Variants in SEMA3A observed in about 807,000 individuals in gnomAD.
The protein encoded by SEMA3A is semaphorin-3A.
In SEMA3A, 29 loss-of-function variants were observed where a neutral mutation model predicts 97.9. The observed-to-expected ratio is 0.30, with a 90% CI of 0.22 to 0.40. SEMA3A has a LOEUF of 0.40. Among genes scored for constraint, SEMA3A ranks in the 10% least tolerant of loss-of-function variants. The pLI is 1.00. For synonymous variants in SEMA3A, 321 were observed against 323.7 expected, an observed-to-expected ratio of 0.99 and a Z score of 0.09; for missense variants, 763 against 951.3, an observed-to-expected ratio of 0.80 and a Z score of 2.60.
rs1331971669 is a variant in SEMA3A at position 84,312,898 on chromosome 7, A to G, written c.-168-5606T>C. 1.8e-3 allele frequency among the ~76,000 whole-genome samples: 114 copies of G among 64,312 alleles called. 5 individuals carry two copies. The highest frequency in any genetic ancestry group is 5.5e-3 in the African/African-American group (109 of 19,936). The allele number at this position is 64,312 out of a possible 152,430, so 42.2% of individuals were successfully genotyped here. ...TATATATATATATATATATATATAT[A>G]TATATATATATATATATATATATAC... On this transcript the variant is annotated intron_variant, in intron 2 of 3. Coordinates refer to the SEMA3A transcript ENST00000424555.
chr7:84,357,341 T>C (rs916245148), intron 2 of SEMA3A, among the ~76,000 whole-genome samples: 2 of 137,082 alleles, frequency 1.5e-5, no homozygotes, highest in African/African-American at 5.4e-5. Context: ...TGTTTCCAAG[T>C]GTTCTCATTG....
intron 2 of SEMA3A, among the ~76,000 whole-genome samples, chr7:84,314,453 G>C (rs1801444508): frequency 6.6e-6 from 1 of 152,146 alleles, no homozygotes; most frequent in South Asian, 2.1e-4. Flanking sequence ...GAAGCTTTAA[G>C]ATCCAGCTCA....
chr7:84,225,691 G>A (rs1405142686), intron 3 of SEMA3A, among the ~76,000 whole-genome samples: 2 of 152,028 alleles, frequency 1.3e-5, no homozygotes, highest in South Asian at 4.1e-4. Context: ...GTCATCTCAC[G>A]GAGGCAACAC....
intron 1 of SEMA3A, among the ~76,000 whole-genome samples, chr7:84,384,913 C>T (rs769309312): frequency 6.6e-5 from 10 of 152,182 alleles, no homozygotes; most frequent in Non-Finnish European, 1.3e-4. Context: ...CTACTATCTA[C>T]ATGAGACAAT....
At chr7:84,466,074 T>C (rs1277552788) in intron 1 of SEMA3A, among the ~76,000 whole-genome samples, 2 of 152,154 alleles carry the variant, frequency 1.3e-5, no homozygotes, top group Non-Finnish European at 2.9e-5. Context: ...GCAAATCCAG[T>C]ATTTGCAACA....
At chr7:84,318,938 C>T (rs972108181) in intron 2 of SEMA3A, among the ~76,000 whole-genome samples, 1 of 152,170 alleles carries the variant, frequency 6.6e-6, no homozygotes, top group Non-Finnish European at 1.5e-5. Context: ...TAATATACTA[C>T]ATAGATGTTG....
intron 12 of SEMA3A, among the ~76,000 whole-genome samples, chr7:83,992,616 T>C (rs4475409): frequency 0.37 from 55,794 of 151,360 alleles, 11,196 homozygotes; most frequent in East Asian, 0.83. Flanking sequence ...AGTTTCCATG[T>C]AGTTGAGTGG....
intron 2 of SEMA3A, among the ~76,000 whole-genome samples, chr7:84,318,801 T>C (rs1373610203): frequency 6.6e-6 from 1 of 152,180 alleles, no homozygotes; most frequent in Non-Finnish European, 1.5e-5. Context: ...TTAGGTATCA[T>C]CTTGGGAATG....
intron 4 of SEMA3A, among the ~76,000 whole-genome samples, chr7:84,099,225 C>A (rs1190379474): frequency 1.9e-3 from 199 of 107,050 alleles, no homozygotes; most frequent in South Asian, 3.2e-3. Context: ...CGCCCGCTAC[C>A]ACGCCCGGCT....
chr7:84,160,828 C>G (rs1054786997), intron 1 of SEMA3A, among the ~76,000 whole-genome samples: 6 of 151,774 alleles, frequency 4.0e-5, no homozygotes, highest in African/African-American at 1.2e-4. Flanking sequence ...TGCAGTGAGC[C>G]GAGATCCCGC....
chr7:84,259,745 T>G (rs1361583640), intron 3 of SEMA3A, among the ~76,000 whole-genome samples: 1 of 148,044 alleles, frequency 6.8e-6, no homozygotes, highest in Non-Finnish European at 1.5e-5. Context: ...TAAAGCAAGC[T>G]GCAAGTGAAG....
intron 6 of SEMA3A, among the ~76,000 whole-genome samples, chr7:84,024,257 T>G (rs1366173106): frequency 6.6e-6 from 1 of 151,708 alleles, no homozygotes; most frequent in Admixed American, 6.6e-5. Flanking sequence ...AATAACAACT[T>G]GGCTGGGCGC....
chr7:84,343,197 C>T (rs1399267403), intron 2 of SEMA3A, among the ~76,000 whole-genome samples: 1 of 152,066 alleles, frequency 6.6e-6, no homozygotes, highest in Non-Finnish European at 1.5e-5. Context: ...ACAAACTTGA[C>T]CATCAGGTTA....
chr7:84,429,539 T>TAGAG (rs1390904289), intron 1 of SEMA3A, among the ~76,000 whole-genome samples: 7 of 119,734 alleles, frequency 5.8e-5, no homozygotes, highest in African/African-American at 2.2e-4. Context: ...TATATATATA[T>TAGAG]ATATATATAG....
chr7:84,080,361 G>A (rs10274042), intron 4 of SEMA3A, among the ~76,000 whole-genome samples: 1 of 150,910 alleles, frequency 6.6e-6, no homozygotes. Context: ...ATAATAACAA[G>A]AAAAAAAGAG....
chr7:84,350,601 A>G (rs1201546193), intron 2 of SEMA3A, among the ~76,000 whole-genome samples: 2 of 152,164 alleles, frequency 1.3e-5, no homozygotes, highest in Non-Finnish European at 2.9e-5. Flanking sequence ...ACTAGTAAAA[A>G]TGGATATATT....
intron 1 of SEMA3A, among the ~76,000 whole-genome samples, chr7:84,470,845 T>A (rs1460955280): frequency 6.6e-6 from 1 of 152,128 alleles, no homozygotes; most frequent in Admixed American, 6.6e-5. Flanking sequence ...TTCTTTCTCC[T>A]TATAGACTGT....
intron 2 of SEMA3A, among the ~76,000 whole-genome samples, chr7:84,334,599 G>A (rs867272210): frequency 5.0e-4 from 75 of 151,244 alleles, no homozygotes; most frequent in African/African-American, 1.7e-3. Flanking sequence ...CCTGGCCCTC[G>A]CTTCTCACCA....
intron 3 of SEMA3A, among the ~76,000 whole-genome samples, chr7:84,211,721 G>A (rs73181375): frequency 0.067 from 10,123 of 152,208 alleles, 567 homozygotes; most frequent in East Asian, 0.29. Flanking sequence ...TATGCCTGAG[G>A]AGACAGAAAG....
Sources: gnomAD v4.1 joint callset for allele counts (sites outside exome capture counted in the v4.1 genomes callset) on GRCh38, gnomAD v4.1.1 for gene constraint, MANE v1.5 for transcripts, NCBI Gene and HGNC (gene_info 2026-07-23, HGNC 2026-07-21) for gene names.